Variants in DPP10 observed in about 807,000 individuals in gnomAD.
The protein encoded by DPP10 is dipeptidyl peptidase like 10, also known as inactive dipeptidyl peptidase 10.
In DPP10, 33 loss-of-function variants were observed where a neutral mutation model predicts 120.9. That is an observed-to-expected ratio of 0.27 (90% CI 0.21 to 0.37). The LOEUF (loss-of-function observed/expected upper bound fraction) is 0.37, where lower values mean the gene tolerates loss of function less well. Among genes scored for constraint, DPP10 ranks in the 10% least tolerant of loss-of-function variants. The probability of loss-of-function intolerance (pLI) is 1.00; values close to 1 mark genes in which losing one functional copy is unlikely to be tolerated. For synonymous variants in DPP10, 337 were observed against 326.1 expected (o/e 1.03, Z -0.36); for missense variants, 816 against 942.8 (o/e 0.87, Z 1.76).
At chr2:115,299,344 G>A (rs1486551842) in intron 1 of DPP10, among the ~76,000 whole-genome samples, 1 of 151,962 alleles carries the variant, frequency 6.6e-6, no homozygotes, top group Non-Finnish European at 1.5e-5. Context: ...AAGAGTGGCT[G>A]GCAAATAACA....
intron 1 of DPP10, among the ~76,000 whole-genome samples, chr2:114,901,968 G>A (rs1242569152): frequency 6.6e-6 from 1 of 152,170 alleles, no homozygotes; most frequent in Non-Finnish European, 1.5e-5. Flanking sequence ...GATGCTCAAG[G>A]CATTTTGCTT....
rs558534686 is a variant in DPP10 at position 115,385,861 on chromosome 2, G to T, written c.271+41949G>T. The stretch of plus-strand genomic sequence containing the variant: ...TGATTCTTATCATGGGTGAGGAAAG[G>T]TATCACATCTTTCCACTCCTACATA... On this transcript the variant is annotated intron_variant, in intron 3 of 25. Coordinates refer to ENST00000410059, the MANE Select transcript of DPP10 (RefSeq NM_020868.6). 2.2e-4 allele frequency among the ~76,000 whole-genome samples: 33 copies of T among 152,218 alleles called. 1 individual carries two copies. Among genetic ancestry groups the T allele is most frequent in the Non-Finnish European group, 4.0e-4 (27 of 68,010 alleles).
intron 1 of DPP10, among the ~76,000 whole-genome samples, chr2:114,969,746 G>A (rs572094521): frequency 5.3e-5 from 8 of 151,988 alleles, no homozygotes; most frequent in South Asian, 2.1e-4. Context: ...ACAAACAAAC[G>A]AAAAAAACAC....
At chr2:115,712,263 A>G (rs762279010) in intron 7 of DPP10, among the ~76,000 whole-genome samples, 3 of 150,640 alleles carry the variant, frequency 2.0e-5, no homozygotes, top group Non-Finnish European at 4.4e-5. Context: ...GATAGCTCAC[A>G]TGCATGGTTC....
At chr2:115,733,201 CA>C (rs1405863709) in intron 8 of DPP10, among the ~76,000 whole-genome samples, 2 of 152,076 alleles carry the variant, frequency 1.3e-5, no homozygotes, top group Non-Finnish European at 2.9e-5. Context: ...TAAAACAGGG[CA>C]AAATGCCTAT....
At chr2:115,359,642 T>G (rs923258182) in intron 3 of DPP10, among the ~76,000 whole-genome samples, 14 of 152,168 alleles carry the variant, frequency 9.2e-5, no homozygotes, top group Admixed American at 6.5e-5. Flanking sequence ...ACAAATTTCT[T>G]GAATTTGTGA....
At chr2:115,805,310 T>A (rs927964953) in intron 19 of DPP10, among the ~76,000 whole-genome samples, 1 of 152,072 alleles carries the variant, frequency 6.6e-6, no homozygotes, top group African/African-American at 2.4e-5. Context: ...AGTGACCCGA[T>A]TTTCCAGGTG....
intron 19 of DPP10, among the ~76,000 whole-genome samples, chr2:115,792,569 G>C (rs888341241): frequency 6.6e-6 from 1 of 152,012 alleles, no homozygotes; most frequent in Admixed American, 6.6e-5. Context: ...AGAAAGCTCT[G>C]AAAGTTCTTA....
chr2:114,768,666 C>G (rs1028754661), intron 1 of DPP10, among the ~76,000 whole-genome samples: 2 of 152,060 alleles, frequency 1.3e-5, no homozygotes, highest in African/African-American at 4.8e-5. Context: ...TTCCAGGTAT[C>G]TGGATGTGGA....
chr2:115,686,319 G>A (rs1438395624), intron 5 of DPP10, among the ~76,000 whole-genome samples: 6 of 151,976 alleles, frequency 3.9e-5, no homozygotes, highest in Non-Finnish European at 8.8e-5. Context: ...TCAAGCGTGA[G>A]TTATAGTGTT....
chr2:115,064,175 G>T (rs1706654021), intron 1 of DPP10, among the ~76,000 whole-genome samples: 1 of 150,950 alleles, frequency 6.6e-6, no homozygotes, highest in Non-Finnish European at 1.5e-5. Flanking sequence ...TAATGTTAAA[G>T]CCTCTGATTT....
At chr2:115,089,126 CT>C (rs1230261677) in intron 1 of DPP10, among the ~76,000 whole-genome samples, 2 of 151,964 alleles carry the variant, frequency 1.3e-5, no homozygotes, top group Non-Finnish European at 1.5e-5. Flanking sequence ...TCCTCTTTTC[CT>C]TTTTTTTCCT....
chr2:114,773,969 CAAATATA>C (rs1263327709), intron 1 of DPP10, among the ~76,000 whole-genome samples: 1 of 151,602 alleles, frequency 6.6e-6, no homozygotes, highest in Non-Finnish European at 1.5e-5. Context: ...TAAACTTTAT[CAAATATA>C]AAAGTATATA....
At chr2:114,555,270 T>C (rs966481708) in intron 1 of DPP10, among the ~76,000 whole-genome samples, 1 of 152,092 alleles carries the variant, frequency 6.6e-6, no homozygotes, top group Non-Finnish European at 1.5e-5. Flanking sequence ...GACATCAAAA[T>C]TGGTTAGACT....
chr2:114,647,673 G>A (rs1696244170), intron 1 of DPP10, among the ~76,000 whole-genome samples: 1 of 151,336 alleles, frequency 6.6e-6, no homozygotes, highest in African/African-American at 2.4e-5. Context: ...TTTACCTTCA[G>A]ACACCTATGA....
chr2:114,849,489 G>A (rs369562015), intron 1 of DPP10, among the ~76,000 whole-genome samples: 8 of 151,888 alleles, frequency 5.3e-5, no homozygotes, highest in East Asian at 3.9e-4. Context: ...AACACACACC[G>A]TCACACCTGG....
intron 1 of DPP10, among the ~76,000 whole-genome samples, chr2:115,205,496 C>T (rs895645090): frequency 6.6e-6 from 1 of 152,064 alleles, no homozygotes; most frequent in Admixed American, 6.6e-5. Context: ...AAAAATAGAA[C>T]TACAATTTGA....
At chr2:115,126,285 A>G (rs1360334132) in intron 1 of DPP10, among the ~76,000 whole-genome samples, 1 of 151,824 alleles carries the variant, frequency 6.6e-6, no homozygotes, top group Non-Finnish European at 1.5e-5. Flanking sequence ...ATTTTTTTGT[A>G]TAGACAGGAT....
At chr2:114,517,559 A>G (rs1684702230) in intron 1 of DPP10, among the ~76,000 whole-genome samples, 1 of 152,072 alleles carries the variant, frequency 6.6e-6, no homozygotes, top group Admixed American at 6.6e-5. Flanking sequence ...TCATGGTAAG[A>G]TAATCAGGAC....
Sources: gnomAD v4.1 joint callset for allele counts (sites outside exome capture counted in the v4.1 genomes callset) on GRCh38, gnomAD v4.1.1 for gene constraint, MANE v1.5 for transcripts, NCBI Gene and HGNC (gene_info 2026-07-23, HGNC 2026-07-21) for gene names.